Variants in OPCML observed in about 807,000 individuals in gnomAD.
The protein encoded by OPCML is opioid binding protein/cell adhesion molecule like.
A neutral mutation model predicts 37.8 loss-of-function variants in OPCML; 13 were observed. The observed-to-expected ratio is 0.34, with a 90% CI of 0.22 to 0.55. The LOEUF (loss-of-function observed/expected upper bound fraction) is 0.55, where lower values mean the gene tolerates loss of function less well. Ranked by LOEUF, OPCML falls within the 20% of genes least tolerant of loss-of-function variation. The probability of loss-of-function intolerance (pLI) is 0.91; values close to 1 mark genes in which losing one functional copy is unlikely to be tolerated. For missense variants in OPCML, 341 were observed against 435.6 expected, an observed-to-expected ratio of 0.78 and a Z score of 1.93; for synonymous variants, 176 against 168.8, an observed-to-expected ratio of 1.04 and a Z score of -0.33.
At chr11:133,375,542 A>G (rs1321928047) in intron 1 of OPCML, among the ~76,000 whole-genome samples, 1 of 152,144 alleles carries the variant, frequency 6.6e-6, no homozygotes, top group East Asian at 1.9e-4. Flanking sequence ...GATCCAAAAG[A>G]TAGTGTCCAG....
chr11:132,738,572 C>T (rs960202406), intron 2 of OPCML, among the ~76,000 whole-genome samples: 1 of 152,136 alleles, frequency 6.6e-6, no homozygotes, highest in Non-Finnish European at 1.5e-5. Context: ...TATAGCTTGT[C>T]CTCCACAAGC....
At chr11:133,114,829 G>C (rs1398672930) in intron 1 of OPCML, among the ~76,000 whole-genome samples, 1 of 152,180 alleles carries the variant, frequency 6.6e-6, no homozygotes, top group Non-Finnish European at 1.5e-5. Flanking sequence ...GAGTTTCAGA[G>C]AGAGTGGTAG....
chr11:132,839,708 T>C (rs1216718647), intron 2 of OPCML, among the ~76,000 whole-genome samples: 3 of 152,146 alleles, frequency 2.0e-5, no homozygotes, highest in Non-Finnish European at 4.4e-5. Flanking sequence ...CTGAATAAAA[T>C]ACGGATCAGA....
chr11:133,148,024 A>T (rs1436890953), intron 1 of OPCML, among the ~76,000 whole-genome samples: 1 of 152,172 alleles, frequency 6.6e-6, no homozygotes, highest in East Asian at 1.9e-4. Flanking sequence ...AAAGGTGAGA[A>T]TGTCACCCTG....
In OPCML at chr11:132,865,337, G is replaced by C. The variant is rs570941761; in HGVS notation, c.146+77589C>G. Among the ~76,000 whole-genome samples the C allele has an allele frequency of 2.0e-4, 30 of 152,208 alleles. No homozygotes were observed. The East Asian group carries it at 5.6e-3, about 28-fold the overall frequency. On this transcript the variant is annotated intron_variant, in intron 2 of 7. Transcript: ENST00000524381. ...AGTATATTTTTGAAAACTGTACAAA[G>C]AAGAAAGTGTATTTTTCGATTTTTG...
chr11:132,472,787 G>A lies in OPCML; in HGVS notation c.506-35428C>T, dbSNP rs371913169. Among the ~76,000 whole-genome samples the A allele has an allele frequency of 1.4e-4, 22 of 152,340 alleles. No homozygotes were observed. In the South Asian group the frequency reaches 4.3e-3, roughly 30 times the overall value. On this transcript the variant is annotated intron_variant, in intron 4 of 7. Transcript: ENST00000524381. ...AAGTGCTCTGTGCATCGTCACTGCA[G>A]GGGGCAGTGGAAGCATGGCCTGATG...
At chr11:133,267,770 T>C (rs185131986) in intron 1 of OPCML, among the ~76,000 whole-genome samples, 42 of 152,150 alleles carry the variant, frequency 2.8e-4, no homozygotes, top group Non-Finnish European at 4.7e-4. Flanking sequence ...GTTCTCGAGA[T>C]AGTGAATAAG....
At chr11:132,435,610 G>A (rs568718049) in intron 7 of OPCML, among the ~76,000 whole-genome samples, 5 of 152,298 alleles carry the variant, frequency 3.3e-5, no homozygotes, top group Admixed American at 6.5e-5. Flanking sequence ...GTTGTGGATA[G>A]AGCAGCCACC....
At chr11:132,689,136 CATAATTATTTTTA>C (rs1943301219) in intron 2 of OPCML, among the ~76,000 whole-genome samples, 1 of 152,020 alleles carries the variant, frequency 6.6e-6, no homozygotes. Flanking sequence ...GGCAGGGCTC[CATAATTATTTTTA>C]ATACATTTCT....
chr11:133,522,331 G>A (rs1490628796), intron 1 of OPCML, among the ~76,000 whole-genome samples: 2 of 152,184 alleles, frequency 1.3e-5, no homozygotes, highest in African/African-American at 2.4e-5. Context: ...GACCAAACAA[G>A]TCAAGTTGAC....
chr11:133,277,287 A>G (rs1942020835), intron 1 of OPCML, among the ~76,000 whole-genome samples: 1 of 152,128 alleles, frequency 6.6e-6, no homozygotes, highest in South Asian at 2.1e-4. Flanking sequence ...TGTTTTCTTA[A>G]CAATTTGGTT....
chr11:133,207,951 C>A (rs888686873), intron 1 of OPCML, among the ~76,000 whole-genome samples: 2 of 152,200 alleles, frequency 1.3e-5, no homozygotes, highest in South Asian at 2.1e-4. Flanking sequence ...TGTGTTTTTG[C>A]CTGAAAAATA....
chr11:132,451,985 G>A (rs756843829), intron 4 of OPCML, among the ~76,000 whole-genome samples: 13 of 152,064 alleles, frequency 8.5e-5, no homozygotes, highest in Non-Finnish European at 1.8e-4. Flanking sequence ...CCCCTAAACC[G>A]CTTTGCTCCC....
intron 1 of OPCML, among the ~76,000 whole-genome samples, chr11:133,459,276 C>T (rs1206361353): frequency 1.3e-5 from 2 of 151,806 alleles, no homozygotes; most frequent in African/African-American, 4.8e-5. Flanking sequence ...TATAAAAAAT[C>T]AAGTAAACAA....
chr11:133,313,821 CA>C (rs1243630970), intron 1 of OPCML, among the ~76,000 whole-genome samples: 3 of 152,146 alleles, frequency 2.0e-5, no homozygotes, highest in Non-Finnish European at 4.4e-5. Context: ...TAAGAGAAAA[CA>C]TTTATGTTGT....
chr11:132,696,089 G>A (rs752757542), intron 2 of OPCML, among the ~76,000 whole-genome samples: 2 of 152,092 alleles, frequency 1.3e-5, no homozygotes, highest in African/African-American at 4.8e-5. Flanking sequence ...AGAACAAATG[G>A]TTTCTTTTAA....
At chr11:132,649,951 A>G (rs1324212231) in intron 3 of OPCML, among the ~76,000 whole-genome samples, 1 of 151,654 alleles carries the variant, frequency 6.6e-6, no homozygotes, top group African/African-American at 2.4e-5. Context: ...ACACACACAC[A>G]CAGTTTTCAT....
At chr11:133,328,842 G>A (rs1029842785) in intron 1 of OPCML, among the ~76,000 whole-genome samples, 37 of 152,256 alleles carry the variant, frequency 2.4e-4, no homozygotes, top group African/African-American at 8.9e-4. Flanking sequence ...GGGCAATCAG[G>A]CAGGAGAAGG....
intron 1 of OPCML, among the ~76,000 whole-genome samples, chr11:133,083,229 A>G (rs921094707): frequency 6.6e-6 from 1 of 152,154 alleles, no homozygotes; most frequent in African/African-American, 2.4e-5. Flanking sequence ...CCGCGGGTGC[A>G]CTGAGCGGCG....
Sources: allele counts gnomAD v4.1 joint callset (sites outside exome capture counted in the v4.1 genomes callset), GRCh38; gene constraint gnomAD v4.1.1; transcripts MANE v1.5; gene names NCBI Gene and HGNC (gene_info 2026-07-23, HGNC 2026-07-21).